Variants in AKT1 observed in about 807,000 individuals in gnomAD.
The protein encoded by AKT1 is RAC-alpha serine/threonine-protein kinase.
In AKT1, 21 loss-of-function variants were observed where a neutral mutation model predicts 63.1. The observed-to-expected ratio is 0.33, with a 90% CI of 0.24 to 0.48. AKT1 has a LOEUF of 0.48. Ranked by LOEUF, AKT1 falls within the 20% of genes least tolerant of loss-of-function variation. The pLI, the probability that AKT1 is intolerant of heterozygous loss-of-function variation, is 0.99. For missense variants in AKT1, 382 were observed against 666.0 expected (o/e 0.57, Z 4.69); for synonymous variants, 257 against 253.1 (o/e 1.02, Z -0.15).
chr14:104,784,464 C>A (rs1439575439), intron 3 of AKT1, among the ~76,000 whole-genome samples: 1 of 152,124 alleles, frequency 6.6e-6, no homozygotes, highest in Non-Finnish European at 1.5e-5. Flanking sequence ...CCCACACAAC[C>A]CCAGCCCTGG....
chr14:104,774,007 G>A (rs758069535), intron 8 of AKT1, 27 bp from the exon 9 acceptor site: 57 of 1,603,792 alleles, frequency 3.6e-5, no homozygotes, highest in East Asian at 6.8e-5. Flanking sequence ...CTGGAACTGC[G>A]GCCCCACAGG....
At chr14:104,784,616 G>A (rs559677618) in intron 3 of AKT1, among the ~76,000 whole-genome samples, 67 of 152,256 alleles carry the variant, frequency 4.4e-4, no homozygotes, top group African/African-American at 1.5e-3. Flanking sequence ...ACCAAATACC[G>A]GGGTTCTGAG....
intron 3 of AKT1, among the ~76,000 whole-genome samples, chr14:104,782,852 TC>T (rs1354224628): frequency 6.6e-6 from 1 of 152,082 alleles, no homozygotes; most frequent in Non-Finnish European, 1.5e-5. Flanking sequence ...TTCTCTTTCT[TC>T]ATCTCTCGCC....
At chr14:104,791,982 A>C (rs1371894300) in intron 3 of AKT1, among the ~76,000 whole-genome samples, 1 of 152,166 alleles carries the variant, frequency 6.6e-6, no homozygotes, top group Admixed American at 6.5e-5. Flanking sequence ...ACAGGGTTGG[A>C]AGGGGTGGGG....
At chr14:104,771,162 A>G (rs1892364796) in intron 13 of AKT1, 1 of 348,424 alleles carries the variant, frequency 2.9e-6, no homozygotes, top group African/African-American at 2.1e-5. Context: ...TGATAACTTT[A>G]TTTTTCCTTT....
At chr14:104,777,555 TG>T in intron 4 of AKT1, 1 of 1,012,430 alleles carries the variant, frequency 9.9e-7, no homozygotes, top group Non-Finnish European at 1.2e-6. Flanking sequence ...CAAGCACACC[TG>T]GGGAACACAT....
In AKT1 at chr14:104,773,438, C is replaced by A. The variant is rs1892513583; in HGVS notation, c.828+17G>T. The A allele has an allele frequency of 1.2e-6, 2 of 1,613,916 alleles. No homozygotes were observed. Among genetic ancestry groups the A allele is most frequent in the Non-Finnish European group, 8.5e-7 (1 of 1,179,874 alleles). On this transcript the variant is annotated intron_variant, in intron 10 of 14. Coordinates refer to ENST00000649815, the MANE Select transcript of AKT1 (RefSeq NM_001382430.1). ...AGGCCCCCAGGGCCCTGCCCCCCTG[C>A]CTGCCCGCCAGCGCACCTTGAGGTC...
intron 13 of AKT1, chr14:104,771,871 A>T (rs1256574571): frequency 1.6e-5 from 4 of 245,862 alleles, no homozygotes; most frequent in Non-Finnish European, 3.2e-5. Flanking sequence ...GCCTCCCTCC[A>T]GGGCGGACTC....
In AKT1 at chr14:104,779,763, A is replaced by G. The variant is rs1238019473; in HGVS notation, c.175+325T>C. On this transcript the variant is annotated intron_variant, in intron 4 of 14. Coordinates refer to ENST00000649815, the MANE Select transcript of AKT1 (RefSeq NM_001382430.1). Reference sequence around the variant, plus strand: ...TCGGACCAGAGACCCCCGCCCAGCCAGCCTCAGGACTCAGCTCGGAGACCC... The same window carrying G: ...TCGGACCAGAGACCCCCGCCCAGCCGGCCTCAGGACTCAGCTCGGAGACCC... Among the ~76,000 whole-genome samples, 521 of 148,220 alleles carry G rather than the reference A, an allele frequency of 3.5e-3. 4 individuals carry two copies. Among genetic ancestry groups the G allele is most frequent in the African/African-American group, 0.013 (501 of 39,262 alleles).
intron 13 of AKT1, chr14:104,771,114 C>A: frequency 4.3e-6 from 2 of 470,242 alleles, no homozygotes; most frequent in African/African-American, 3.9e-5. Flanking sequence ...GGAGGTAGTG[C>A]AGCCCAGCTC....
chr14:104,776,440 C>T (rs756479297), intron 5 of AKT1: 2 of 508,266 alleles, frequency 3.9e-6, no homozygotes, highest in Non-Finnish European at 7.0e-6. Context: ...AGCCACTGCA[C>T]CCGGTCCCTA....
chr14:104,795,473 C>A lies in AKT1; in HGVS notation c.-258+11G>T, dbSNP rs1250740551. 1 of 146,408 alleles carries A rather than the reference C, an allele frequency of 6.8e-6. No homozygotes were observed. The highest frequency in any genetic ancestry group is 2.5e-5 in the African/African-American group (1 of 40,786). 9.1% of individuals were successfully genotyped at this position (146,408 alleles called of 1,614,324 possible). ...TCCAGGCCCGGGCGGCCACGGCGGG[C>A]GGGGACTCACCGGGCCGCCGCGTCC... On this transcript the variant is annotated intron_variant, in intron 1 of 14. Coordinates refer to ENST00000649815, the MANE Select transcript of AKT1 (RefSeq NM_001382430.1). This position sits in a 1 kb window ranked among gnomAD's most constrained non-coding sequence, Gnocchi z 5.1.
At chr14:104,786,795 C>T (rs1027210828) in intron 3 of AKT1, among the ~76,000 whole-genome samples, 2 of 152,182 alleles carry the variant, frequency 1.3e-5, no homozygotes, top group African/African-American at 4.8e-5. Context: ...CACCCCACAC[C>T]TCACCAAGCT....
At chr14:104,784,434 T>G (rs1392632350) in intron 3 of AKT1, among the ~76,000 whole-genome samples, 6 of 151,880 alleles carry the variant, frequency 4.0e-5, no homozygotes, top group South Asian at 2.1e-4. Flanking sequence ...CTCCCTCGAC[T>G]CCTCCTGCAC....
chr14:104,775,486 A>T, intron 6 of AKT1, 166 bp downstream of exon 6: 2 of 1,125,830 alleles, frequency 1.8e-6, no homozygotes, highest in Admixed American at 5.7e-5. Context: ...CATGGGGAAG[A>T]GGACCCACCT....
At chr14:104,772,300 TGCATGCGTGAGTGTGGATATGTGGGGA>T in intron 13 of AKT1, 38 bp downstream of exon 13, 2 of 1,543,206 alleles carry the variant, frequency 1.3e-6, no homozygotes, top group Admixed American at 1.7e-5. Flanking sequence ...GCGTGCCACG[TGCATGCGTGAGTGTGGATATGTGGGGA>T]GCATGCGTGC....
intron 14 of AKT1, 142 bp from the exon 15 acceptor site, chr14:104,770,562 A>G: frequency 1.0e-6 from 1 of 981,404 alleles, no homozygotes; most frequent in Non-Finnish European, 1.5e-6. Flanking sequence ...GGCCCCACAG[A>G]TTGACACAGG....
At chr14:104,788,490 CCAA>C (rs1893449182) in intron 3 of AKT1, among the ~76,000 whole-genome samples, 1 of 152,200 alleles carries the variant, frequency 6.6e-6, no homozygotes, top group Non-Finnish European at 1.5e-5. Context: ...CTCAGCAAAG[CCAA>C]GGCCTCCTCC....
chr14:104,775,389 GC>G, intron 6 of AKT1, 182 bp from the exon 7 acceptor site: 1 of 1,226,854 alleles, frequency 8.2e-7, no homozygotes, highest in Non-Finnish European at 1.1e-6. Context: ...CATGGCTGCG[GC>G]CCCAGCTCAG....
Sources: allele counts gnomAD v4.1 joint callset (sites outside exome capture counted in the v4.1 genomes callset), GRCh38; gene constraint gnomAD v4.1.1; non-coding constraint Gnocchi (gnomAD v3.1); transcripts MANE v1.5; gene names NCBI Gene and HGNC (gene_info 2026-07-23, HGNC 2026-07-21).